Variants in GSDMC observed in about 807,000 individuals in gnomAD.
The protein encoded by GSDMC is gasdermin C, also known as gasdermin-C.
A neutral mutation model predicts 58.0 loss-of-function variants in GSDMC; 59 were observed. The observed-to-expected ratio is 1.02, with a 90% CI of 0.82 to 1.26. The LOEUF (loss-of-function observed/expected upper bound fraction) is 1.26, where lower values mean the gene tolerates loss of function less well. GSDMC is among the 50% of genes most tolerant of loss of function. The probability of loss-of-function intolerance (pLI) is 0.00; values close to 1 mark genes in which losing one functional copy is unlikely to be tolerated. For missense variants in GSDMC, 659 were observed against 598.5 expected (o/e 1.10, Z -1.06); for synonymous variants, 241 against 220.2 (o/e 1.09, Z -0.83).
At chr8:129,753,772 C>T (rs2033320016) in intron 6 of GSDMC, among the ~76,000 whole-genome samples, 1 of 152,158 alleles carries the variant, frequency 6.6e-6, no homozygotes, top group Non-Finnish European at 1.5e-5. Context: ...GCCCACTTCC[C>T]TAAAGGGTGA....
At chr8:129,734,309 C>T in the GSDMC span, among the ~76,000 whole-genome samples, 4 of 152,052 alleles carry the variant, frequency 2.6e-5, no homozygotes, top group South Asian at 2.1e-4. Context: ...CACTGAAATT[C>T]GGGAAATACA....
Position 129,764,461 on chromosome 8 carries a change from C to G in GSDMC, c.570+1167G>C, listed in dbSNP as rs147065681. On this transcript the variant is annotated intron_variant, in intron 4 of 13. Coordinates refer to ENST00000276708, the MANE Select transcript of GSDMC (RefSeq NM_031415.3). ...CTGAATGGGGAAAGGGGCTCAATGTCCCCACTCTCAATGAGGACTTGCACT... is the reference window on the plus strand; with the variant it reads ...CTGAATGGGGAAAGGGGCTCAATGTGCCCACTCTCAATGAGGACTTGCACT... 1.1e-4 allele frequency among the ~76,000 whole-genome samples: 17 copies of G among 152,226 alleles called. No individual in the cohort carries two copies. The East Asian group carries it at 3.1e-3, about 28-fold the overall frequency.
At chr8:129,719,238 C>T in the GSDMC span, among the ~76,000 whole-genome samples, 94,357 of 152,008 alleles carry the variant, frequency 0.62, 31,785 homozygotes, top group African/African-American at 0.88. Flanking sequence ...TAAATTCAGA[C>T]GAAATGGACT....
At chr8:129,732,079 G>A in the GSDMC span, among the ~76,000 whole-genome samples, 2 of 152,246 alleles carry the variant, frequency 1.3e-5, no homozygotes, top group Admixed American at 1.3e-4. Flanking sequence ...AAGAGGTGGG[G>A]CCTTTAAGAG....
chr8:129,729,316 T>TA, the GSDMC span: 3 of 541,288 alleles, frequency 5.5e-6, no homozygotes, highest in East Asian at 4.6e-5. Context: ...TTGTTTTTTT[T>TA]AATTATTATT....
intron 4 of GSDMC, among the ~76,000 whole-genome samples, 154 bp from the exon 5 acceptor site, chr8:129,762,885 A>G (rs6999887): frequency 0.031 from 4,774 of 152,088 alleles, 244 homozygotes; most frequent in African/African-American, 0.11. Context: ...TTTCTTCCTT[A>G]TTTCATCCTG....
At chr8:129,773,620 A>G (rs2034129399) in intron 3 of GSDMC, among the ~76,000 whole-genome samples, 1 of 151,972 alleles carries the variant, frequency 6.6e-6, no homozygotes, top group Non-Finnish European at 1.5e-5. Flanking sequence ...CCCCATCTCT[A>G]CTAAAAATAG....
chr8:129,751,514 C>G (rs369684279), intron 10 of GSDMC, 28 bp downstream of exon 10: 76 of 1,599,738 alleles, frequency 4.8e-5, no homozygotes, highest in Non-Finnish European at 6.4e-5. Flanking sequence ...ACCCAGAAGC[C>G]CCAGGTTCCC....
intron 11 of GSDMC, 46 bp from the exon 12 acceptor site, chr8:129,750,165 A>G: frequency 7.1e-7 from 1 of 1,406,614 alleles, no homozygotes. Flanking sequence ...TAATAACAGT[A>G]ATGTTATATA....
chr8:129,728,762 G>C, the GSDMC span: 1 of 499,894 alleles, frequency 2.0e-6, no homozygotes, highest in South Asian at 2.0e-5. Flanking sequence ...TATAAAACTT[G>C]CCGAGGGCTC....
At chr8:129,748,195 C>G, downstream of GSDMC, 1 of 198,590 alleles carries the variant, frequency 5.0e-6, no homozygotes. Context: ...ACACCATTAA[C>G]TAGAGTCAGT....
chr8:129,732,134 C>T, the GSDMC span, among the ~76,000 whole-genome samples: 3 of 152,116 alleles, frequency 2.0e-5, no homozygotes, highest in African/African-American at 7.2e-5. Context: ...GGGATTAAGG[C>T]CCTTATAAAA....
the GSDMC span, chr8:129,729,315 T>TG: frequency 1.8e-6 from 1 of 541,468 alleles, no homozygotes; most frequent in South Asian, 1.6e-5. Flanking sequence ...TTTGTTTTTT[T>TG]TAATTATTAT....
At chr8:129,733,578 C>T in the GSDMC span, among the ~76,000 whole-genome samples, 1 of 152,132 alleles carries the variant, frequency 6.6e-6, no homozygotes, top group Non-Finnish European at 1.5e-5. Context: ...AGCTGAGGGA[C>T]CTGACTATTA....
intron 3 of GSDMC, among the ~76,000 whole-genome samples, chr8:129,775,105 T>G (rs958204985): frequency 7.2e-5 from 11 of 152,200 alleles, no homozygotes; most frequent in African/African-American, 2.4e-4. Flanking sequence ...CAAAGACATG[T>G]CTGCACTTCC....
At chr8:129,783,356 AC>A (rs1304137672) in intron 1 of GSDMC, among the ~76,000 whole-genome samples, 1 of 152,160 alleles carries the variant, frequency 6.6e-6, no homozygotes, top group Non-Finnish European at 1.5e-5. Flanking sequence ...GAAGATTCCA[AC>A]AACAAAAAAC....
At chr8:129,739,478 C>T in the GSDMC span, among the ~76,000 whole-genome samples, 1 of 152,114 alleles carries the variant, frequency 6.6e-6, no homozygotes, top group East Asian at 1.9e-4. Flanking sequence ...TGTTTTCTTG[C>T]TATTGAGTTG....
At chr8:129,770,977 G>A (rs1180213099) in intron 3 of GSDMC, among the ~76,000 whole-genome samples, 1 of 150,688 alleles carries the variant, frequency 6.6e-6, no homozygotes, top group African/African-American at 2.4e-5. Context: ...AAGAACAAGG[G>A]TGGCCATACT....
intron 3 of GSDMC, among the ~76,000 whole-genome samples, chr8:129,768,528 T>A (rs2033942753): frequency 1.3e-5 from 2 of 152,118 alleles, no homozygotes; most frequent in African/African-American, 4.8e-5. Context: ...AAACCATTTT[T>A]TAAAAATCCT....
Sources: allele counts gnomAD v4.1 joint callset (sites outside exome capture counted in the v4.1 genomes callset), GRCh38; gene constraint gnomAD v4.1.1; transcripts MANE v1.5; gene names NCBI Gene and HGNC (gene_info 2026-07-23, HGNC 2026-07-21).